Variants in MIA2 observed in about 807,000 individuals in gnomAD.
MIA2 encodes the protein melanoma inhibitory activity protein 2.
MIA2 carries 127 observed loss-of-function variants against 167.8 expected under a neutral mutation model. That is an observed-to-expected ratio of 0.76 (90% CI 0.66 to 0.88). The LOEUF is 0.88. Among genes scored for constraint, MIA2 ranks in the 40% least tolerant of loss-of-function variants. The probability of loss-of-function intolerance (pLI) is 0.00; values close to 1 mark genes in which losing one functional copy is unlikely to be tolerated. For missense variants in MIA2, 1,690 were observed against 1,624.7 expected (o/e 1.04, Z -0.69); for synonymous variants, 552 against 541.9 (o/e 1.02, Z -0.26).
At chr14:39,371,138 C>T (rs1405274187) in intron 23 of MIA2, among the ~76,000 whole-genome samples, 1 of 151,896 alleles carries the variant, frequency 6.6e-6, no homozygotes, top group Admixed American at 6.6e-5. Context: ...ATATAGTTTA[C>T]TTGACTATTC....
intron 7 of MIA2, among the ~76,000 whole-genome samples, chr14:39,277,406 G>A (rs2058162611): frequency 6.6e-6 from 1 of 151,538 alleles, no homozygotes; most frequent in Non-Finnish European, 1.5e-5. Flanking sequence ...CCCGTCTGTG[G>A]TCCTGGCTAC....
At chr14:39,294,835 T>G in intron 12 of MIA2, 90 bp from the exon 13 acceptor site, 2 of 852,300 alleles carry the variant, frequency 2.3e-6, no homozygotes, top group Non-Finnish European at 3.8e-6. Context: ...GTTTTGCCTT[T>G]GTTTAATTCT....
chr14:39,262,948 A>C (rs1364591770), intron 6 of MIA2, among the ~76,000 whole-genome samples: 1 of 152,208 alleles, frequency 6.6e-6, no homozygotes, highest in Non-Finnish European at 1.5e-5. Context: ...ATATACAATC[A>C]TGTCACCTGC....
chr14:39,284,090 G>A (rs2059306944), intron 9 of MIA2, among the ~76,000 whole-genome samples: 1 of 152,010 alleles, frequency 6.6e-6, no homozygotes, highest in South Asian at 2.1e-4. Flanking sequence ...TGCTTTTGTA[G>A]CCTAAGTTGT....
intron 4 of MIA2, among the ~76,000 whole-genome samples, chr14:39,250,326 G>A (rs938502693): frequency 6.6e-6 from 1 of 152,156 alleles, no homozygotes; most frequent in African/African-American, 2.4e-5. Flanking sequence ...CCAGCTACTT[G>A]GGAGGCTGAG....
chr14:39,259,435 G>A (rs554124042), intron 6 of MIA2, among the ~76,000 whole-genome samples: 5 of 152,340 alleles, frequency 3.3e-5, no homozygotes, highest in African/African-American at 4.8e-5. Context: ...TCAAATCTCC[G>A]CAAGGAGCCT....
chr14:39,340,035 G>C (rs1174374262), intron 25 of MIA2, among the ~76,000 whole-genome samples: 1 of 152,072 alleles, frequency 6.6e-6, no homozygotes, highest in African/African-American at 2.4e-5. Context: ...TAGAGACGGG[G>C]CCTCACTATG....
intron 6 of MIA2, among the ~76,000 whole-genome samples, chr14:39,258,019 T>A (rs2054901395): frequency 6.6e-6 from 1 of 152,230 alleles, no homozygotes; most frequent in Non-Finnish European, 1.5e-5. Context: ...CCTTAACATT[T>A]TTTCCTTCAT....
chr14:39,246,067 A>G (rs2054289427), intron 3 of MIA2, among the ~76,000 whole-genome samples: 1 of 118,602 alleles, frequency 8.4e-6, no homozygotes, highest in African/African-American at 3.3e-5. Flanking sequence ...AAACATTTCA[A>G]TTATTTTTAA....
At chr14:39,387,555 A>T in exon 24 of MIA2, 1 of 152,192 alleles carries the variant, frequency 6.6e-6, no homozygotes, top group East Asian at 1.9e-4. Flanking sequence ...GATGGAATTT[A>T]CTCCTGGTGA....
intron 2 of MIA2, among the ~76,000 whole-genome samples, chr14:39,238,793 CAAAAAAA>C (rs769534317): frequency 3.2e-5 from 1 of 30,806 alleles, no homozygotes; most frequent in Non-Finnish European, 5.0e-5. Context: ...GACCCTGTCT[CAAAAAAA>C]AAAAAAAAAA....
chr14:39,349,053 A>C, intron 28 of MIA2, 76 bp downstream of exon 28: 33 of 1,516,164 alleles, frequency 2.2e-5, no homozygotes, highest in Non-Finnish European at 3.0e-5. Flanking sequence ...ACTATCTGTT[A>C]ATGTAGTAAC....
intron 6 of MIA2, chr14:39,276,570 A>G (rs563595059): frequency 5.7e-4 from 88 of 155,480 alleles, no homozygotes; most frequent in Admixed American, 2.8e-3. Context: ...CTGTAGGGAA[A>G]TTGTATATTG....
intron 13 of MIA2, among the ~76,000 whole-genome samples, chr14:39,299,301 A>ATTTT (rs1555376456): frequency 2.7e-4 from 16 of 58,482 alleles, no homozygotes; most frequent in South Asian, 6.3e-4. Flanking sequence ...GATTAATGGT[A>ATTTT]TTTCTTTTTT....
intron 6 of MIA2, chr14:39,266,522 AC>A: frequency 1.0e-6 from 1 of 985,474 alleles, no homozygotes; most frequent in Non-Finnish European, 1.2e-6. Context: ...TGCCCAGGTG[AC>A]TCAGGTAAGC....
intron 23 of MIA2, among the ~76,000 whole-genome samples, chr14:39,379,489 G>A (rs892962718): frequency 3.9e-5 from 6 of 151,988 alleles, no homozygotes; most frequent in East Asian, 1.9e-4. Flanking sequence ...CTCTCCCGTC[G>A]TACAAAACAA....
At chr14:39,385,745 G>A (rs2075262838) in intron 23 of MIA2, 17 of 887,620 alleles carry the variant, frequency 1.9e-5, no homozygotes, top group Non-Finnish European at 3.1e-5. Context: ...ACCGGATTCT[G>A]GATAATAGTA....
In MIA2 at chr14:39,253,165, A is replaced by C. The variant is rs2054652749; in HGVS notation, c.1881A>C (p.Thr627=). 1 of 1,608,862 alleles carries C rather than the reference A, an allele frequency of 6.2e-7. No homozygotes were observed. The highest frequency in any genetic ancestry group is 1.1e-5 in the South Asian group (1 of 90,250). Reference sequence around the variant, plus strand: ...CATTTTCACCAATTGTAATTCTTACAGAAAGGGTAAGTTTGCCTTTTAAAC... The same window carrying C: ...CATTTTCACCAATTGTAATTCTTACCGAAAGGGTAAGTTTGCCTTTTAAAC... The part of the protein sequence containing the change: ...NSAFSPIVIL[T]ERVVAALPEG... The change falls in exon 6 of 29, where the codon ACA becomes ACC. Residue 627 remains threonine, a synonymous_variant. Transcript: ENST00000640607.
chr14:39,238,797 A>AAAAAAAAAAAAAAAAAAAAAAAC, intron 2 of MIA2, among the ~76,000 whole-genome samples: 1 of 144,130 alleles, frequency 6.9e-6, no homozygotes, highest in Non-Finnish European at 1.5e-5. Context: ...CTGTCTCAAA[A>AAAAAAAAAAAAAAAAAAAAAAAC]AAAAAAAAAA....
Sources: gnomAD v4.1 joint callset for allele counts (sites outside exome capture counted in the v4.1 genomes callset) on GRCh38, gnomAD v4.1.1 for gene constraint, MANE v1.5 for transcripts, NCBI Gene and HGNC (gene_info 2026-07-23, HGNC 2026-07-21) for gene names.